LVRN: variants seen among roughly 807,000 people sequenced by gnomAD.
The protein encoded by LVRN is laeverin, also known as aminopeptidase Q.
In LVRN, 99 loss-of-function variants were observed where a neutral mutation model predicts 111.4. That is an observed-to-expected ratio of 0.89 (90% CI 0.76 to 1.05). The LOEUF (loss-of-function observed/expected upper bound fraction) is 1.05, where lower values mean the gene tolerates loss of function less well. Among genes scored for constraint, LVRN ranks in the 50% least tolerant of loss-of-function variants. LVRN has a pLI of 0.00. For missense variants in LVRN, 1,414 were observed against 1,206.8 expected, an observed-to-expected ratio of 1.17 and a Z score of -2.54; for synonymous variants, 488 against 449.5, an observed-to-expected ratio of 1.09 and a Z score of -1.08.
At chr5:116,004,631 C>CA (rs566101463) in intron 12 of LVRN, among the ~76,000 whole-genome samples, 28 of 152,208 alleles carry the variant, frequency 1.8e-4, no homozygotes, top group African/African-American at 6.3e-4. Context: ...AAAAAACCCC[C>CA]AAAAAACTCC....
intron 19 of LVRN, chr5:116,023,249 A>G (rs934654995): frequency 6.6e-6 from 1 of 152,250 alleles, no homozygotes; most frequent in Admixed American, 6.5e-5. Context: ...CCATGAGGCT[A>G]TAATGAGCTC....
intron 1 of LVRN, among the ~76,000 whole-genome samples, chr5:115,967,654 T>C (rs949730047): frequency 4.6e-5 from 7 of 152,220 alleles, no homozygotes; most frequent in Admixed American, 2.0e-4. Context: ...AGGATTTTGA[T>C]AGGACCTATG....
intron 3 of LVRN, among the ~76,000 whole-genome samples, chr5:115,984,935 C>T (rs996338777): frequency 6.6e-6 from 1 of 152,194 alleles, no homozygotes; most frequent in Non-Finnish European, 1.5e-5. Flanking sequence ...ATTAAGCCCA[C>T]TCATCAAGGC....
chr5:115,972,316 A>G (rs1031112238), intron 1 of LVRN, among the ~76,000 whole-genome samples: 4 of 151,942 alleles, frequency 2.6e-5, no homozygotes, highest in Non-Finnish European at 5.9e-5. Context: ...TATCTTGCAC[A>G]TATTTTGTCA....
At chr5:116,008,214 G>A (rs897321503) in intron 13 of LVRN, among the ~76,000 whole-genome samples, 1 of 151,978 alleles carries the variant, frequency 6.6e-6, no homozygotes, top group African/African-American at 2.4e-5. Flanking sequence ...TGTGGTGGTG[G>A]GCACCTGTAA....
At position 115,983,348 on chromosome 5, in the gene LVRN, G is replaced by A. The variant is rs768030394; in HGVS notation, c.757G>A (p.Glu253Lys). ...CAGGTATGTTTTCCCTTGTTTTGAT[G>A]AGCCAGCTCTGAAGGCAACTTTTAA... ...FARYVFPCFD[E>K]PALKATFNIT... is the part of the protein sequence containing the mutation. Residue 253 changes from glutamate (E) to lysine (K), a missense_variant, in exon 2 of 20, where the codon GAG (glutamate) becomes AAG (lysine). Transcript: ENST00000357872. 77 of 1,611,740 alleles carry A rather than the reference G, an allele frequency of 4.8e-5. No individual in the cohort carries two copies. The highest frequency in any genetic ancestry group is 5.4e-5 in the Non-Finnish European group (64 of 1,179,302).
intron 6 of LVRN, among the ~76,000 whole-genome samples, chr5:115,995,751 G>A (rs1222632915): frequency 6.6e-6 from 1 of 152,224 alleles, no homozygotes; most frequent in Non-Finnish European, 1.5e-5. Flanking sequence ...CCATATGAGT[G>A]CTGTTGTTAT....
At position 116,015,377 on chromosome 5, in the gene LVRN, C is replaced by A; in HGVS notation, c.2576C>A (p.Ala859Asp). 6.7e-7 allele frequency: 1 copy of A among 1,498,476 alleles called. No homozygotes were observed. Among genetic ancestry groups the A allele is most frequent in the Non-Finnish European group, 9.0e-7 (1 of 1,111,956 alleles). 92.8% of individuals were successfully genotyped at this position (1,498,476 alleles called of 1,614,324 possible). ...AACAAAGAAGAAAAGATTCAACTTG[C>A]TTATGCAATGAGCTGCAGCAAAGAC... ...TTNKEEKIQLAYAMSCSKDPW... is the reference protein window; with the variant it reads ...TTNKEEKIQLDYAMSCSKDPW... The change falls in exon 17 of 20, where the codon GCT (alanine) becomes GAT (aspartate). Residue 859 changes from alanine (A) to aspartate (D), a missense_variant. Coordinates refer to ENST00000357872, the MANE Select transcript of LVRN (RefSeq NM_173800.5).
intron 1 of LVRN, among the ~76,000 whole-genome samples, chr5:115,965,318 G>A (rs951473618): frequency 6.6e-6 from 1 of 152,116 alleles, no homozygotes; most frequent in African/African-American, 2.4e-5. Context: ...TGCTTAATGG[G>A]TATAGATTTT....
chr5:115,983,916 C>A lies in LVRN; in HGVS notation c.838+487C>A, dbSNP rs997336559. On this transcript the variant is annotated intron_variant, in intron 2 of 19. Transcript: ENST00000357872. ...AGTGATCAGTGACATTTGAGAAGAG[C>A]CTTTAAGTCTCAGGACTTTAGTTGA... 3.9e-5 allele frequency among the ~76,000 whole-genome samples: 6 copies of A among 152,264 alleles called. No homozygotes were observed. The East Asian group carries it at 9.6e-4, about 24-fold the overall frequency.
At chr5:116,017,285 G>A (rs1325996110) in intron 18 of LVRN, among the ~76,000 whole-genome samples, 1 of 152,124 alleles carries the variant, frequency 6.6e-6, no homozygotes, top group Admixed American at 6.5e-5. Flanking sequence ...GAAGGACAGG[G>A]GTTAACAGGC....
chr5:115,970,549 AT>A (rs1294841764), intron 1 of LVRN, among the ~76,000 whole-genome samples: 21 of 149,010 alleles, frequency 1.4e-4, no homozygotes, highest in South Asian at 6.4e-4. Flanking sequence ...CACCTGGCTA[AT>A]TTTTTTTTTG....
intron 1 of LVRN, among the ~76,000 whole-genome samples, chr5:115,963,787 C>CCG (rs1753144071): frequency 6.6e-6 from 1 of 152,224 alleles, no homozygotes; most frequent in Non-Finnish European, 1.5e-5. Context: ...ACGGCGGAGA[C>CCG]CGCGGTCCTT....
At chr5:115,982,683 C>G (rs1753585008) in intron 1 of LVRN, among the ~76,000 whole-genome samples, 1 of 152,092 alleles carries the variant, frequency 6.6e-6, no homozygotes, top group South Asian at 2.1e-4. Flanking sequence ...GATAATGTCA[C>G]TCTTTGTATT....
rs763929908 is a variant in LVRN, at chr5:115,963,202, C to A, written c.585C>A (p.Pro195=). 6.2e-7 allele frequency: 1 copy of A among 1,612,826 alleles called. No homozygotes were observed. Among genetic ancestry groups the A allele is most frequent in the South Asian group, 1.1e-5 (1 of 90,918 alleles). Residue 195 remains proline (P), a synonymous_variant, in exon 1 of 20, where the codon CCC becomes CCA. Transcript: ENST00000357872. ...ACATGGTGCTGGAGCTCAGTGAGCCCCTGAAACCTGGTAGCAGCTACGAGC... is the reference window on the plus strand; with the variant it reads ...ACATGGTGCTGGAGCTCAGTGAGCCACTGAAACCTGGTAGCAGCTACGAGC... ...TEYMVLELSE[P]LKPGSSYELQ... is the part of the protein sequence containing the mutation.
intron 17 of LVRN, 28 bp downstream of exon 17, chr5:116,015,447 T>C: frequency 6.6e-7 from 1 of 1,520,630 alleles, no homozygotes; most frequent in Non-Finnish European, 8.8e-7. Context: ...ACCTTGAAAG[T>C]TTCTGTTATA....
intron 6 of LVRN, among the ~76,000 whole-genome samples, chr5:115,996,877 C>G (rs1413038001): frequency 6.6e-6 from 1 of 152,154 alleles, no homozygotes; most frequent in Non-Finnish European, 1.5e-5. Flanking sequence ...CACCTCTGAG[C>G]TTTAGTTCCT....
chr5:116,014,594 T>C (rs1748560453), intron 16 of LVRN, 67 bp downstream of exon 16: 1 of 1,257,078 alleles, frequency 8.0e-7, no homozygotes, highest in African/African-American at 1.5e-5. Context: ...CCCTTTTTGA[T>C]GTACTCACTG....
chr5:116,016,863 T>TA (rs35838739), intron 18 of LVRN, among the ~76,000 whole-genome samples: 24 of 151,682 alleles, frequency 1.6e-4, no homozygotes, highest in African/African-American at 4.8e-4. Context: ...TCTGGAACTG[T>TA]AAAAAAAAAC....
Sources: gnomAD v4.1 joint callset for allele counts (sites outside exome capture counted in the v4.1 genomes callset) on GRCh38, gnomAD v4.1.1 for gene constraint, MANE v1.5 for transcripts, NCBI Gene and HGNC (gene_info 2026-07-23, HGNC 2026-07-21) for gene names.